Variants in TTC6 observed in about 807,000 individuals in gnomAD.
The protein encoded by TTC6 is tetratricopeptide repeat protein 6.
In TTC6, 172 loss-of-function variants were observed where a neutral mutation model predicts 210.4. The ratio of observed to expected loss-of-function variants is 0.82; its 90% CI spans 0.72 to 0.93. The LOEUF is 0.93. Ranked by LOEUF, TTC6 falls within the 40% of genes least tolerant of loss-of-function variation. The pLI is 0.00. For missense variants in TTC6, 2,414 were observed against 2,318.1 expected (o/e 1.04, Z -0.85); for synonymous variants, 804 against 819.6 (o/e 0.98, Z 0.32).
Position 37,682,743 on chromosome 14 carries a change from T to G in TTC6, c.1051-15T>G. The stretch of plus-strand genomic sequence containing the variant: ...TAAAAAAAAAGCATTCTTGCACATT[T>G]ACTTTTTCCAACAGAGCGTGCATAA... On this transcript the variant is annotated splice_polypyrimidine_tract_variant and intron_variant, in intron 2 of 30. Coordinates refer to ENST00000553443, the Ensembl canonical transcript of TTC6. 6.5e-7 allele frequency: 1 copy of G among 1,533,724 alleles called. No homozygotes were observed. Among genetic ancestry groups the G allele is most frequent in the Non-Finnish European group, 8.7e-7 (1 of 1,145,578 alleles).
At chr14:37,822,120 G>A (rs1022557461) in intron 26 of TTC6, among the ~76,000 whole-genome samples, 9 of 152,084 alleles carry the variant, frequency 5.9e-5, no homozygotes, top group African/African-American at 2.2e-4. Flanking sequence ...CAATGGTGCA[G>A]CACTCAGGCT....
intron 2 of TTC6, among the ~76,000 whole-genome samples, 171 bp downstream of exon 4, chr14:37,680,432 G>A (rs1222824920): frequency 6.6e-6 from 1 of 152,064 alleles, no homozygotes; most frequent in African/African-American, 2.4e-5. Flanking sequence ...GGCCATTTTG[G>A]CTCACTGTTG....
At chr14:37,828,157 A>G (rs1018209328) in intron 29 of TTC6, among the ~76,000 whole-genome samples, 1 of 152,098 alleles carries the variant, frequency 6.6e-6, no homozygotes, top group African/African-American at 2.4e-5. Flanking sequence ...TTGGACTTCA[A>G]TTCATAATGT....
At chr14:37,807,288 C>G in intron 22 of TTC6, 32 bp from the exon 25 acceptor site, 1 of 1,474,742 alleles carries the variant, frequency 6.8e-7, no homozygotes, top group Non-Finnish European at 9.1e-7. Flanking sequence ...CTAAAGCATC[C>G]ATTCCTGCTT....
chr14:37,749,631 C>T (rs2095945934), intron 11 of TTC6, 83 bp from the exon 14 acceptor site: 1 of 1,108,710 alleles, frequency 9.0e-7, no homozygotes. Context: ...CCACTGGGAT[C>T]AACCGTGTTT....
intron 14 of TTC6, among the ~76,000 whole-genome samples, chr14:37,779,412 G>A (rs1228954610): frequency 6.6e-6 from 1 of 152,040 alleles, no homozygotes; most frequent in Non-Finnish European, 1.5e-5. Flanking sequence ...GTGCCCCTTG[G>A]CCATTATATA....
chr14:37,700,750 CAA>C (rs35091344), intron 4 of TTC6, among the ~76,000 whole-genome samples: 305 of 62,256 alleles, frequency 4.9e-3, no homozygotes, highest in Middle Eastern at 0.019. Flanking sequence ...CTCCATCTCA[CAA>C]AAAAAAAAAA....
chr14:37,828,094 GGA>G (rs144176292), intron 29 of TTC6, among the ~76,000 whole-genome samples: 77 of 152,048 alleles, frequency 5.1e-4, no homozygotes, highest in South Asian at 8.3e-4. Context: ...CACTGGACTG[GGA>G]ATAAGAAGAC....
rs760861496 is a variant in TTC6 at position 37,825,234 on chromosome 14, G to A, written c.4975-961G>A. On this transcript the variant is annotated intron_variant, in intron 27 of 30. Coordinates refer to ENST00000553443, the Ensembl canonical transcript of TTC6. The stretch of plus-strand genomic sequence containing the variant: ...CAGAGATCTTACTGTGAGGCAGTTT[G>A]CTATTTAATATCCTAATAATCTAAT... Among the ~76,000 whole-genome samples, 3 of 152,278 alleles carry A rather than the reference G, an allele frequency of 2.0e-5. No individual in the cohort carries two copies. The South Asian group carries it at 6.2e-4, about 32-fold the overall frequency.
intron 8 of TTC6, among the ~76,000 whole-genome samples, chr14:37,737,134 A>C (rs928156922): frequency 2.0e-5 from 3 of 151,930 alleles, no homozygotes; most frequent in Non-Finnish European, 2.9e-5. Flanking sequence ...TGTACTTTGC[A>C]CTCTAGTTTA....
chr14:37,812,636 C>T (rs60265164), intron 25 of TTC6, among the ~76,000 whole-genome samples: 1,656 of 132,964 alleles, frequency 0.012, 38 homozygotes, highest in African/African-American at 0.038. Context: ...AGATAAACAG[C>T]CAATACATTT....
intron 24 of TTC6, among the ~76,000 whole-genome samples, chr14:37,811,448 A>C (rs1004305831): frequency 6.6e-6 from 1 of 152,192 alleles, no homozygotes; most frequent in Admixed American, 6.5e-5. Flanking sequence ...AAATGAGCAA[A>C]TATAAAATGC....
chr14:37,657,264 A>G (rs1456102959), intron 1 of TTC6, among the ~76,000 whole-genome samples: 1 of 150,848 alleles, frequency 6.6e-6, no homozygotes. Flanking sequence ...TGTGGGATCA[A>G]TAAATTCTGA....
intron 1 of TTC6, among the ~76,000 whole-genome samples, chr14:37,646,811 AAACTATTCGCAT>A (rs1435310707): frequency 1.3e-5 from 2 of 152,302 alleles, no homozygotes; most frequent in East Asian, 3.9e-4. Flanking sequence ...TTTGGTGACT[AAACTATTCGCAT>A]AGTTGCTACG....
intron 6 of TTC6, among the ~76,000 whole-genome samples, chr14:37,718,649 C>T (rs947858487): frequency 6.6e-6 from 1 of 152,196 alleles, no homozygotes; most frequent in South Asian, 2.1e-4. Context: ...AGGAATCAGC[C>T]GGGTGCAGTG....
At chr14:37,636,665 G>A (rs1268828480) in intron 1 of TTC6, among the ~76,000 whole-genome samples, 1 of 152,096 alleles carries the variant, frequency 6.6e-6, no homozygotes, top group Non-Finnish European at 1.5e-5. Flanking sequence ...AAGAGAAAAA[G>A]CATCAGATCA....
intron 1 of TTC6, among the ~76,000 whole-genome samples, chr14:37,637,323 A>G (rs915942814): frequency 1.3e-5 from 2 of 152,206 alleles, no homozygotes; most frequent in African/African-American, 4.8e-5. Context: ...ACTTTACCCA[A>G]ATTAAATTTT....
intron 5 of TTC6, among the ~76,000 whole-genome samples, chr14:37,713,244 C>T (rs1405910295): frequency 6.6e-6 from 1 of 152,198 alleles, no homozygotes; most frequent in Non-Finnish European, 1.5e-5. Flanking sequence ...TACTTGCCAA[C>T]AGAAACATTA....
At chr14:37,700,808 A>G (rs534135552) in intron 4 of TTC6, among the ~76,000 whole-genome samples, 6 of 151,728 alleles carry the variant, frequency 4.0e-5, no homozygotes, top group Admixed American at 1.3e-4. Context: ...TACTTAGGAA[A>G]GACAGAAGAG....
Sources: allele counts gnomAD v4.1 joint callset (sites outside exome capture counted in the v4.1 genomes callset), GRCh38; gene constraint gnomAD v4.1.1; transcripts MANE v1.5; gene names NCBI Gene and HGNC (gene_info 2026-07-23, HGNC 2026-07-21).